SORCS1: variants seen among roughly 807,000 people sequenced by gnomAD.
SORCS1 encodes sortilin related VPS10 domain containing receptor 1, also known as VPS10 domain-containing receptor SorCS1.
SORCS1 carries 60 observed loss-of-function variants against 146.1 expected under a neutral mutation model. The observed-to-expected ratio is 0.41, with a 90% CI of 0.33 to 0.51. The LOEUF is 0.51. Among genes scored for constraint, SORCS1 ranks in the 20% least tolerant of loss-of-function variants. The pLI is 0.21. For missense variants in SORCS1, 1,352 were observed against 1,487.6 expected, an observed-to-expected ratio of 0.91 and a Z score of 1.50; for synonymous variants, 637 against 584.0, an observed-to-expected ratio of 1.09 and a Z score of -1.31.
chr10:106,597,447 A>G lies in SORCS1; in HGVS notation c.3169T>C (p.Ser1057Pro). Reference sequence around the variant, plus strand: ...TTGAGCGTGTGGATCAGCAATTCTGATATCTGAAAAAAGAAGCATAGTTAG... The same window carrying G: ...TTGAGCGTGTGGATCAGCAATTCTGGTATCTGAAAAAAGAAGCATAGTTAG... ...KRSTDDLEQISELLIHTLNQN... is the reference protein window; with the variant it reads ...KRSTDDLEQIPELLIHTLNQN... Residue 1057 changes from serine (S) to proline (P), a missense_variant, in exon 24 of 26, where the codon TCA (serine) becomes CCA (proline). Coordinates refer to ENST00000263054, the MANE Select transcript of SORCS1 (RefSeq NM_052918.5). 4 of 1,613,272 alleles carry G rather than the reference A, an allele frequency of 2.5e-6. No individual in the cohort carries two copies. Among genetic ancestry groups the G allele is most frequent in the Non-Finnish European group, 3.4e-6 (4 of 1,179,368 alleles).
At chr10:106,822,233 T>G (rs1948072804) in intron 3 of SORCS1, among the ~76,000 whole-genome samples, 1 of 152,182 alleles carries the variant, frequency 6.6e-6, no homozygotes, top group Non-Finnish European at 1.5e-5. Context: ...CATTTTTAAA[T>G]TTATGAATGT....
At chr10:107,038,696 C>CA (rs1334112468) in intron 1 of SORCS1, among the ~76,000 whole-genome samples, 2 of 149,996 alleles carry the variant, frequency 1.3e-5, no homozygotes, top group East Asian at 2.0e-4. Context: ...GGGCAGGGGG[C>CA]GGGGGGGGAG....
At chr10:106,821,084 G>T (rs887271932) in intron 3 of SORCS1, among the ~76,000 whole-genome samples, 3 of 152,190 alleles carry the variant, frequency 2.0e-5, no homozygotes, top group African/African-American at 7.2e-5. Flanking sequence ...AGTCTATTAT[G>T]CTTACTTGAA....
rs1193799338 is a variant in SORCS1 at position 106,938,738 on chromosome 10, AG to A, written c.626+17774del. ...CAAACAAAGTGGTTATTCTAAGCAG[AG>A]TCCACAAATCCCTATGTCATATCAG... On this transcript the variant is annotated intron_variant, in intron 2 of 25. Coordinates refer to ENST00000263054, the MANE Select transcript of SORCS1 (RefSeq NM_052918.5). Among the ~76,000 whole-genome samples the A allele has an allele frequency of 2.0e-5, 3 of 152,364 alleles. No individual in the cohort carries two copies. The South Asian group carries it at 6.2e-4, about 32-fold the overall frequency.
In SORCS1 at chr10:106,574,007, G is replaced by T. The variant is rs1010006592; in HGVS notation, c.*3413C>A. On this transcript the variant is annotated 3_prime_UTR_variant, in exon 26 of 26. Transcript: ENST00000263054. Reference sequence around the variant, plus strand: ...ATTTAACAAAAAATACATCAAAAAAGTCATTTTAAAATTAGAAGTAGTTCC... The same window carrying T: ...ATTTAACAAAAAATACATCAAAAAATTCATTTTAAAATTAGAAGTAGTTCC... 2.6e-5 allele frequency: 4 copies of T among 151,612 alleles called. No homozygotes were observed. The East Asian group carries it at 5.8e-4, about 22-fold the overall frequency. The allele number at this position is 151,612 out of a possible 1,614,324, so 9.4% of individuals were successfully genotyped here.
intron 2 of SORCS1, among the ~76,000 whole-genome samples, chr10:106,929,390 T>A (rs1953268263): frequency 6.6e-6 from 1 of 152,074 alleles, no homozygotes. Context: ...GTATCAGAAT[T>A]AAAAAGAGAT....
chr10:106,902,018 T>C (rs1951728188), intron 2 of SORCS1, among the ~76,000 whole-genome samples: 1 of 151,808 alleles, frequency 6.6e-6, no homozygotes, highest in Non-Finnish European at 1.5e-5. Context: ...CACTCTAGTT[T>C]GGGTGACAGA....
At chr10:107,000,784 C>T (rs577875970) in intron 1 of SORCS1, among the ~76,000 whole-genome samples, 87 of 151,980 alleles carry the variant, frequency 5.7e-4, no homozygotes, top group Non-Finnish European at 9.7e-4. Context: ...AACATATGGG[C>T]TCAAATAAAT....
intron 1 of SORCS1, among the ~76,000 whole-genome samples, chr10:106,957,650 T>C (rs1412678086): frequency 6.6e-6 from 1 of 152,088 alleles, no homozygotes; most frequent in African/African-American, 2.4e-5. Flanking sequence ...TACCGTGTAA[T>C]ATATTTCTTA....
chr10:107,005,196 G>A (rs915558853), intron 1 of SORCS1, among the ~76,000 whole-genome samples: 4 of 152,072 alleles, frequency 2.6e-5, no homozygotes, highest in Admixed American at 6.6e-5. Flanking sequence ...TTGGTTGCTC[G>A]CACCTATAAT....
At chr10:106,869,427 CA>C (rs1950330214) in intron 2 of SORCS1, among the ~76,000 whole-genome samples, 2 of 152,214 alleles carry the variant, frequency 1.3e-5, no homozygotes, top group South Asian at 4.1e-4. Context: ...CGATGAATAT[CA>C]ATGGAAAAAT....
At chr10:106,893,104 T>C (rs1031896375) in intron 2 of SORCS1, among the ~76,000 whole-genome samples, 1 of 151,784 alleles carries the variant, frequency 6.6e-6, no homozygotes, top group African/African-American at 2.4e-5. Flanking sequence ...GGTTTCACCA[T>C]GTTGGCCAGG....
intron 5 of SORCS1, among the ~76,000 whole-genome samples, chr10:106,743,860 C>A (rs1857527176): frequency 6.6e-6 from 1 of 152,136 alleles, no homozygotes; most frequent in Non-Finnish European, 1.5e-5. Context: ...AACATTCTTA[C>A]AATCCCTCCA....
Position 106,683,745 on chromosome 10 carries a change from A to T in SORCS1, c.1561-4011T>A, listed in dbSNP as rs142176862. 1.9e-3 allele frequency among the ~76,000 whole-genome samples: 285 copies of T among 152,334 alleles called. 1 individual carries two copies. Among genetic ancestry groups the T allele is most frequent in the African/African-American group, 6.6e-3 (276 of 41,576 alleles). On this transcript the variant is annotated intron_variant, in intron 10 of 25. Coordinates refer to ENST00000263054, the MANE Select transcript of SORCS1 (RefSeq NM_052918.5). ...AGGACAGATCAGAGCTTTTGTAAAGAACAAGCTCCCAAATAGTATCCCCAA... is the reference window on the plus strand; with the variant it reads ...AGGACAGATCAGAGCTTTTGTAAAGTACAAGCTCCCAAATAGTATCCCCAA...
At chr10:107,090,627 A>G (rs577330631) in intron 1 of SORCS1, among the ~76,000 whole-genome samples, 1 of 152,220 alleles carries the variant, frequency 6.6e-6, no homozygotes, top group Non-Finnish European at 1.5e-5. Context: ...TTATTTTTCA[A>G]CTGTGCAGAA....
At chr10:106,935,034 C>A (rs1481129958) in intron 2 of SORCS1, among the ~76,000 whole-genome samples, 3 of 151,976 alleles carry the variant, frequency 2.0e-5, no homozygotes, top group Non-Finnish European at 4.4e-5. Context: ...TCCATGTAAT[C>A]AAAAACCACG....
intron 1 of SORCS1, among the ~76,000 whole-genome samples, chr10:107,007,525 G>GC (rs534842558): frequency 5.4e-4 from 82 of 152,264 alleles, no homozygotes; most frequent in African/African-American, 1.8e-3. Flanking sequence ...AGATCCTCCA[G>GC]CCCCCGCTGA....
intron 18 of SORCS1, among the ~76,000 whole-genome samples, chr10:106,645,907 T>G (rs1849394214): frequency 6.6e-6 from 1 of 152,178 alleles, no homozygotes. Flanking sequence ...ACTTAATTTT[T>G]TATTTTTGAA....
chr10:106,824,765 T>C (rs1163075304), intron 3 of SORCS1, among the ~76,000 whole-genome samples: 1 of 152,154 alleles, frequency 6.6e-6, no homozygotes, highest in African/African-American at 2.4e-5. Context: ...ACACAGTGTT[T>C]AATGCTGGTA....
Sources: allele counts gnomAD v4.1 joint callset (sites outside exome capture counted in the v4.1 genomes callset), GRCh38; gene constraint gnomAD v4.1.1; transcripts MANE v1.5; gene names NCBI Gene and HGNC (gene_info 2026-07-23, HGNC 2026-07-21).